The following ATP8B4 variants were observed in gnomAD, a reference collection of about 807,000 sequenced individuals.
ATP8B4 encodes the protein ATPase phospholipid transporting 8B4 (putative).
In ATP8B4, 133 loss-of-function variants were observed where a neutral mutation model predicts 145.6. The observed-to-expected ratio is 0.91, with a 90% CI of 0.79 to 1.05. The LOEUF (loss-of-function observed/expected upper bound fraction) is 1.05, where lower values mean the gene tolerates loss of function less well. Among genes scored for constraint, ATP8B4 ranks in the 50% least tolerant of loss-of-function variants. ATP8B4 has a pLI of 0.00. For synonymous variants in ATP8B4, 507 were observed against 492.9 expected (o/e 1.03, Z -0.38); for missense variants, 1,458 against 1,425.2 (o/e 1.02, Z -0.37).
In ATP8B4 at chr15:50,015,178, C is replaced by T. The variant is rs368104332; in HGVS notation, c.363-4261G>A. On this transcript the variant is annotated intron_variant, in intron 6 of 27. Transcript: ENST00000284509. Reference sequence around the variant, plus strand: ...GTAAGTGCATGTAGGATATATTATACATTTTTATAGGCATAGAAAATTTCT... The same window carrying T: ...GTAAGTGCATGTAGGATATATTATATATTTTTATAGGCATAGAAAATTTCT... Among the ~76,000 whole-genome samples, 18 of 152,254 alleles carry T rather than the reference C, an allele frequency of 1.2e-4. No individual in the cohort carries two copies. In the East Asian group the frequency reaches 3.3e-3, roughly 28 times the overall value.
intron 7 of ATP8B4, among the ~76,000 whole-genome samples, chr15:50,010,439 AT>A (rs982198929): frequency 2.1e-4 from 32 of 151,722 alleles, no homozygotes; most frequent in African/African-American, 1.9e-4. Context: ...TCTCTAGCTT[AT>A]TTTTTTTCAA....
chr15:49,900,654 G>A (rs932448006), intron 21 of ATP8B4, among the ~76,000 whole-genome samples: 1 of 152,136 alleles, frequency 6.6e-6, no homozygotes, highest in African/African-American at 2.4e-5. Flanking sequence ...GTATCTTAAT[G>A]GCAATAATTT....
chr15:50,059,266 C>G (rs760568098), intron 3 of ATP8B4, among the ~76,000 whole-genome samples: 3 of 152,084 alleles, frequency 2.0e-5, no homozygotes, highest in Non-Finnish European at 2.9e-5. Context: ...AAGAGCTGCA[C>G]GGTGAGAAGA....
intron 1 of ATP8B4, among the ~76,000 whole-genome samples, chr15:50,145,852 T>C (rs1324857439): frequency 6.6e-6 from 1 of 152,092 alleles, no homozygotes; most frequent in Admixed American, 6.5e-5. Context: ...GAATATGTCC[T>C]AATTTTTGCA....
intron 1 of ATP8B4, among the ~76,000 whole-genome samples, chr15:50,139,972 C>T (rs1192930863): frequency 2.0e-5 from 3 of 150,626 alleles, no homozygotes; most frequent in Non-Finnish European, 4.4e-5. Flanking sequence ...GCTATGAGTA[C>T]ACAAAGGCAT....
At chr15:49,896,129 A>G (rs2037370277) in intron 23 of ATP8B4, 1 of 152,348 alleles carries the variant, frequency 6.6e-6, no homozygotes, top group African/African-American at 2.4e-5. Context: ...ACTCTGAAGT[A>G]GCACTAAGAT....
rs73396990 is a variant in ATP8B4 at position 49,934,276 on chromosome 15, G to A, written c.1288-94C>T. The A allele has an allele frequency of 4.5e-3, 6,202 of 1,376,286 alleles. 258 individuals are homozygous for A. The African/African-American group carries it at 0.085, about 19-fold the overall frequency. The allele number at this position is 1,376,286 out of a possible 1,614,324, so 85.3% of individuals were successfully genotyped here. On this transcript the variant is annotated intron_variant, in intron 14 of 27. Coordinates refer to ENST00000284509, the MANE Select transcript of ATP8B4 (RefSeq NM_024837.4). ...AATAGTTCCCCCAAGTATTTTTAGTGTATTATTTTGCAGCCTCAAATGTCT... is the reference window on the plus strand; with the variant it reads ...AATAGTTCCCCCAAGTATTTTTAGTATATTATTTTGCAGCCTCAAATGTCT...
chr15:50,127,673 C>T (rs1052403382), intron 1 of ATP8B4, among the ~76,000 whole-genome samples: 1 of 152,136 alleles, frequency 6.6e-6, no homozygotes, highest in East Asian at 1.9e-4. Flanking sequence ...TGCTATAATA[C>T]CGATTGCAAA....
chr15:50,158,848 G>T (rs1430563826), intron 1 of ATP8B4, among the ~76,000 whole-genome samples: 1 of 152,172 alleles, frequency 6.6e-6, no homozygotes, highest in Non-Finnish European at 1.5e-5. Context: ...GCCCACTCAG[G>T]GTTAAATGGA....
chr15:49,873,359 T>C (rs1018147939), intron 25 of ATP8B4, among the ~76,000 whole-genome samples: 1 of 152,194 alleles, frequency 6.6e-6, no homozygotes, highest in African/African-American at 2.4e-5. Context: ...CATTGTATCA[T>C]TTGCCATAGT....
At position 50,138,745 on chromosome 15, in the gene ATP8B4, ACTT is replaced by A. The variant is rs1370885116; in HGVS notation, c.-42-31740_-42-31738del. 6.6e-5 allele frequency among the ~76,000 whole-genome samples: 10 copies of A among 152,332 alleles called. No individual in the cohort carries two copies. The South Asian group carries it at 1.4e-3, about 22-fold the overall frequency. On this transcript the variant is annotated intron_variant, in intron 1 of 3. Coordinates refer to the ATP8B4 transcript ENST00000558829. ...AAAATAAAAACATTACTTCCCAGTC[ACTT>A]CTTATCTTTTTCTCCCTTTATTGTT...
At chr15:50,003,543 GA>G (rs759868405) in intron 7 of ATP8B4, among the ~76,000 whole-genome samples, 7 of 151,368 alleles carry the variant, frequency 4.6e-5, no homozygotes, top group South Asian at 2.1e-4. Context: ...GATTTTAAAG[GA>G]AAAAAAAATT....
At chr15:50,021,709 A>G (rs1160559775) in intron 6 of ATP8B4, among the ~76,000 whole-genome samples, 2 of 152,016 alleles carry the variant, frequency 1.3e-5, no homozygotes, top group African/African-American at 4.8e-5. Context: ...TATATTATTT[A>G]TTTACATTTT....
At position 49,879,526 on chromosome 15, in the gene ATP8B4, T is replaced by C. The variant is rs550796708; in HGVS notation, c.2698-67A>G. 2.9e-6 allele frequency: 4 copies of C among 1,402,722 alleles called. No individual in the cohort carries two copies. In the South Asian group the frequency reaches 5.2e-5, roughly 18 times the overall value. 86.9% of individuals were successfully genotyped at this position (1,402,722 alleles called of 1,614,324 possible). On this transcript the variant is annotated intron_variant, in intron 23 of 27. Transcript: ENST00000284509. ...AGTAGTGAGAATATTCACATTTAGG[T>C]TAAATAACCAGGTTTTCTGAGGTGG...
chr15:49,923,216 C>T (rs1249593173), intron 17 of ATP8B4, among the ~76,000 whole-genome samples, 163 bp downstream of exon 17: 3 of 152,196 alleles, frequency 2.0e-5, no homozygotes, highest in Non-Finnish European at 4.4e-5. Flanking sequence ...GGTCCTTGTG[C>T]CAATTCCCAG....
chr15:50,123,036 C>T (rs1247808254), upstream of ATP8B4, among the ~76,000 whole-genome samples: 2 of 152,168 alleles, frequency 1.3e-5, no homozygotes, highest in African/African-American at 4.8e-5. Flanking sequence ...AAATAGCACA[C>T]AACCCAGCAC....
In ATP8B4 at chr15:50,106,964, CATT is replaced by C. The variant is rs769656446; in HGVS notation, c.-1_2del. 22 of 1,597,742 alleles carry C rather than the reference CATT, an allele frequency of 1.4e-5. No individual in the cohort carries two copies. The highest frequency in any genetic ancestry group is 1.6e-5 in the Non-Finnish European group (19 of 1,173,376). ...CACGCAATTTCTTTTCACTGCAGAA[CATT>C]ATTATACCTGATCTTTCACCAGGTC... On this transcript the variant is annotated start_lost and start_retained_variant and 5_prime_UTR_variant, in exon 2 of 28. Transcript: ENST00000284509.
chr15:49,962,289 G>C (rs2044153003), intron 13 of ATP8B4, among the ~76,000 whole-genome samples: 1 of 152,192 alleles, frequency 6.6e-6, no homozygotes, highest in East Asian at 1.9e-4. Flanking sequence ...TTCTGTAAAT[G>C]TTATCATTCT....
In ATP8B4 at chr15:50,002,137, A is replaced by C; in HGVS notation, c.506+16T>G. Reference sequence around the variant, plus strand: ...AATTAAAAACCAACCAAATTATTCTAATTTTAATAACTTACCCATCAAGCT... The same window carrying C: ...AATTAAAAACCAACCAAATTATTCTCATTTTAATAACTTACCCATCAAGCT... On this transcript the variant is annotated intron_variant, in intron 8 of 27. Transcript: ENST00000284509. 1 of 1,585,424 alleles carries C rather than the reference A, an allele frequency of 6.3e-7. No homozygotes were observed. The highest frequency in any genetic ancestry group is 8.6e-7 in the Non-Finnish European group (1 of 1,157,406).
Sources: gnomAD v4.1 joint callset for allele counts (sites outside exome capture counted in the v4.1 genomes callset) on GRCh38, gnomAD v4.1.1 for gene constraint, MANE v1.5 for transcripts, NCBI Gene and HGNC (gene_info 2026-07-23, HGNC 2026-07-21) for gene names.